Variants in ITPR1 observed in about 807,000 individuals in gnomAD.
The protein encoded by ITPR1 is inositol 1,4,5-trisphosphate receptor type 1.
Under a neutral mutation model 318.4 loss-of-function variants are expected in ITPR1, and 96 were observed. The observed-to-expected ratio is 0.30, with a 90% CI of 0.26 to 0.36. The LOEUF (loss-of-function observed/expected upper bound fraction) is 0.36, where lower values mean the gene tolerates loss of function less well. Among genes scored for constraint, ITPR1 ranks in the 10% least tolerant of loss-of-function variants. The pLI is 1.00. For missense variants in ITPR1, 2,440 were observed against 3,460.2 expected, an observed-to-expected ratio of 0.71 and a Z score of 7.40; for synonymous variants, 1,312 against 1,289.9, an observed-to-expected ratio of 1.02 and a Z score of -0.37.
chr3:4,725,350 A>G (rs1454881714), intron 40 of ITPR1, among the ~76,000 whole-genome samples, 196 bp from the exon 41 acceptor site: 1 of 151,980 alleles, frequency 6.6e-6, no homozygotes, highest in Non-Finnish European at 1.5e-5. Flanking sequence ...CCTCCAGCAC[A>G]ACCACATTCA....
chr3:4,706,719 G>A (rs1448393128), intron 37 of ITPR1, among the ~76,000 whole-genome samples: 1 of 152,168 alleles, frequency 6.6e-6, no homozygotes, highest in African/African-American at 2.4e-5. Context: ...ATCAGCAGGT[G>A]AACAAGGGTG....
At chr3:4,693,035 G>A (rs546189139) in intron 32 of ITPR1, among the ~76,000 whole-genome samples, 3 of 152,182 alleles carry the variant, frequency 2.0e-5, no homozygotes, top group African/African-American at 4.8e-5. Flanking sequence ...CAGGAGAATC[G>A]CTTGAACCAA....
intron 4 of ITPR1, among the ~76,000 whole-genome samples, chr3:4,620,680 G>GTTT (rs66922925): frequency 1.7e-4 from 22 of 128,154 alleles, no homozygotes; most frequent in East Asian, 6.8e-4. Flanking sequence ...TTCTTTGTGG[G>GTTT]TTTTTTTTTT....
intron 40 of ITPR1, among the ~76,000 whole-genome samples, chr3:4,720,645 G>A (rs1293541108): frequency 6.6e-6 from 1 of 152,298 alleles, no homozygotes; most frequent in East Asian, 1.9e-4. Flanking sequence ...ATTGGTGCCA[G>A]CTAGCAACTT....
intron 55 of ITPR1, among the ~76,000 whole-genome samples, chr3:4,808,863 C>A (rs530746787): frequency 1.0e-3 from 156 of 152,268 alleles, no homozygotes; most frequent in Non-Finnish European, 1.7e-3. Context: ...TGCTGCCCCC[C>A]CTCCCCCACA....
chr3:4,750,704 C>T (rs1485002744), intron 44 of ITPR1: 1 of 151,988 alleles, frequency 6.6e-6, no homozygotes, highest in Admixed American at 6.6e-5. Flanking sequence ...CTCCCCCCTT[C>T]CCTGACTCCT....
intron 46 of ITPR1, 114 bp downstream of exon 46, chr3:4,768,878 C>G: frequency 1.0e-6 from 1 of 1,004,752 alleles, no homozygotes; most frequent in Non-Finnish European, 1.5e-6. Context: ...GCCAAGGATC[C>G]AGCAAGGTTC....
chr3:4,640,957 T>C (rs2093324229), intron 6 of ITPR1, among the ~76,000 whole-genome samples: 1 of 152,196 alleles, frequency 6.6e-6, no homozygotes, highest in African/African-American at 2.4e-5. Context: ...CTTCTCCTTA[T>C]TTATTTTAGC....
chr3:4,788,238 C>T, intron 52 of ITPR1, 99 bp downstream of exon 52: 1 of 951,706 alleles, frequency 1.1e-6, no homozygotes, highest in South Asian at 1.6e-5. Flanking sequence ...AGGAGCAAAG[C>T]TAGTATCATT....
intron 4 of ITPR1, among the ~76,000 whole-genome samples, chr3:4,521,868 TCAAAAACAAAAA>T (rs112233957): frequency 2.0e-4 from 30 of 151,744 alleles, no homozygotes; most frequent in South Asian, 1.5e-3. Flanking sequence ...AGACCCTGTC[TCAAAAACAAAAA>T]CAAAAACAAA....
intron 5 of ITPR1, among the ~76,000 whole-genome samples, chr3:4,634,806 T>A (rs2093130114): frequency 6.6e-6 from 1 of 152,216 alleles, no homozygotes. Context: ...TGGTGCGATC[T>A]TGGCTCACTG....
intron 44 of ITPR1, among the ~76,000 whole-genome samples, chr3:4,754,050 G>GA (rs1160063587): frequency 3.2e-5 from 4 of 123,314 alleles, no homozygotes; most frequent in South Asian, 2.8e-4. Context: ...ACAGAAAATG[G>GA]GGGGGGGGTG....
chr3:4,766,822 T>C, intron 45 of ITPR1, 112 bp downstream of exon 45: 1 of 843,022 alleles, frequency 1.2e-6, no homozygotes, highest in Non-Finnish European at 1.7e-6. Flanking sequence ...GATGGGAGCT[T>C]TCAGAAGAAA....
intron 4 of ITPR1, among the ~76,000 whole-genome samples, chr3:4,627,267 G>T (rs576162577): frequency 1.3e-5 from 2 of 152,200 alleles, no homozygotes; most frequent in Non-Finnish European, 2.9e-5. Flanking sequence ...TAACTATGGG[G>T]TAGCATTAAC....
At chr3:4,554,775 C>G (rs945538015) in intron 4 of ITPR1, among the ~76,000 whole-genome samples, 1 of 152,128 alleles carries the variant, frequency 6.6e-6, no homozygotes, top group African/African-American at 2.4e-5. Context: ...GATTTTAAAA[C>G]AGCAGTTTCT....
chr3:4,668,170 TTA>T (rs760495695), intron 18 of ITPR1, among the ~76,000 whole-genome samples: 15 of 152,088 alleles, frequency 9.9e-5, no homozygotes, highest in Non-Finnish European at 2.1e-4. Context: ...CATTCTGTAA[TTA>T]CCCAATTTAC....
chr3:4,766,284 A>G (rs909900801), intron 44 of ITPR1, among the ~76,000 whole-genome samples: 4 of 152,242 alleles, frequency 2.6e-5, no homozygotes, highest in African/African-American at 9.6e-5. Flanking sequence ...ACACTCGAGC[A>G]TGCTCCCAAA....
At chr3:4,526,324 G>A (rs2082974947) in intron 4 of ITPR1, among the ~76,000 whole-genome samples, 1 of 152,238 alleles carries the variant, frequency 6.6e-6, no homozygotes, top group South Asian at 2.1e-4. Context: ...TATGAATTGG[G>A]GAGGGGATCA....
At chr3:4,670,552 C>A (rs115580424) in intron 19 of ITPR1, among the ~76,000 whole-genome samples, 177 bp from the exon 20 acceptor site, 1 of 152,186 alleles carries the variant, frequency 6.6e-6, no homozygotes, top group Non-Finnish European at 1.5e-5. Context: ...GCACCATAGT[C>A]GAGAACCACT....
Sources: gnomAD v4.1 joint callset for allele counts (sites outside exome capture counted in the v4.1 genomes callset) on GRCh38, gnomAD v4.1.1 for gene constraint, MANE v1.5 for transcripts, NCBI Gene and HGNC (gene_info 2026-07-23, HGNC 2026-07-21) for gene names.